AP2B1: variants seen among roughly 807,000 people sequenced by gnomAD.
AP2B1 encodes the protein AP-2 complex subunit beta.
In AP2B1, 23 loss-of-function variants were observed where a neutral mutation model predicts 102.0. The observed-to-expected ratio is 0.23, with a 90% CI of 0.16 to 0.32. The LOEUF (loss-of-function observed/expected upper bound fraction) is 0.32. Ranked by LOEUF, AP2B1 falls within the 10% of genes least tolerant of loss-of-function variation. AP2B1 has a pLI of 1.00. For synonymous variants in AP2B1, 381 were observed against 421.2 expected, an observed-to-expected ratio of 0.90 and a Z score of 1.17; for missense variants, 541 against 1,157.4, an observed-to-expected ratio of 0.47 and a Z score of 7.73.
intron 10 of AP2B1, among the ~76,000 whole-genome samples, chr17:35,637,475 C>T (rs911030689): frequency 6.6e-6 from 1 of 152,186 alleles, no homozygotes; most frequent in South Asian, 2.1e-4. Context: ...CCACGATGCC[C>T]GGCCCACTTC....
At chr17:35,656,884 C>CAAAA (rs11400227) in intron 13 of AP2B1, among the ~76,000 whole-genome samples, 1 of 137,898 alleles carries the variant, frequency 7.3e-6, no homozygotes, top group Admixed American at 7.2e-5. Context: ...GACTCCGTCT[C>CAAAA]AAAAAAAAAA....
chr17:35,641,610 A>G (rs936053197), intron 11 of AP2B1, among the ~76,000 whole-genome samples: 20 of 152,190 alleles, frequency 1.3e-4, no homozygotes, highest in Non-Finnish European at 2.5e-4. Flanking sequence ...ACAGGTAACT[A>G]TCTGTCTTAG....
intron 13 of AP2B1, among the ~76,000 whole-genome samples, chr17:35,652,556 G>C (rs928881876): frequency 1.3e-5 from 2 of 152,116 alleles, no homozygotes; most frequent in African/African-American, 4.8e-5. Flanking sequence ...GTCTAATTCA[G>C]AAAAATCTCA....
intron 21 of AP2B1, among the ~76,000 whole-genome samples, chr17:35,721,973 G>A (rs2143015177): frequency 1.3e-5 from 2 of 152,286 alleles, no homozygotes; most frequent in African/African-American, 4.8e-5. Flanking sequence ...CAGCGCAGTG[G>A]CTCATGCCTG....
intron 20 of AP2B1, among the ~76,000 whole-genome samples, chr17:35,714,421 G>A (rs1388681160): frequency 6.6e-6 from 1 of 152,194 alleles, no homozygotes; most frequent in Non-Finnish European, 1.5e-5. Context: ...CACCCTTGTT[G>A]CTGTCAGAGG....
At chr17:35,596,757 A>G (rs1464485842) in intron 2 of AP2B1, 2 of 558,580 alleles carry the variant, frequency 3.6e-6, no homozygotes, top group African/African-American at 3.9e-5. Flanking sequence ...GCTGGTGGCG[A>G]GTACAGCGCC....
chr17:35,598,007 T>G (rs923652351), intron 2 of AP2B1, among the ~76,000 whole-genome samples: 1 of 152,230 alleles, frequency 6.6e-6, no homozygotes. Context: ...GGATTGCACC[T>G]TCCTCTCTGG....
intron 5 of AP2B1, among the ~76,000 whole-genome samples, chr17:35,614,563 T>G (rs1046213540): frequency 4.7e-5 from 7 of 148,712 alleles, no homozygotes; most frequent in African/African-American, 1.7e-4. Context: ...ATCTTCATCT[T>G]CCAGACTGTC....
intron 9 of AP2B1, among the ~76,000 whole-genome samples, chr17:35,635,766 G>A (rs2074590816): frequency 1.3e-5 from 2 of 152,006 alleles, no homozygotes; most frequent in African/African-American, 4.8e-5. Context: ...GCGCGATCTC[G>A]GCTCATTGCA....
At chr17:35,684,177 A>T (rs2075882764) in intron 18 of AP2B1, among the ~76,000 whole-genome samples, 1 of 152,224 alleles carries the variant, frequency 6.6e-6, no homozygotes, top group Non-Finnish European at 1.5e-5. Context: ...AAGTGAGCTC[A>T]CAATTTAACA....
intron 20 of AP2B1, among the ~76,000 whole-genome samples, chr17:35,711,810 T>C (rs969589875): frequency 5.9e-5 from 9 of 152,218 alleles, no homozygotes; most frequent in African/African-American, 1.9e-4. Flanking sequence ...CTATGTAATA[T>C]TCATCTTCTG....
At chr17:35,721,557 GAC>G (rs1485980889) in intron 21 of AP2B1, among the ~76,000 whole-genome samples, 2 of 152,164 alleles carry the variant, frequency 1.3e-5, no homozygotes, top group African/African-American at 2.4e-5. Context: ...TAAGAGTCCA[GAC>G]ACAGGGAAAG....
At chr17:35,639,931 T>C (rs1017250640) in intron 11 of AP2B1, among the ~76,000 whole-genome samples, 171 bp downstream of exon 11, 2 of 152,232 alleles carry the variant, frequency 1.3e-5, no homozygotes, top group African/African-American at 2.4e-5. Flanking sequence ...TTGTTTTTGT[T>C]TTCGAGACAG....
intron 21 of AP2B1, among the ~76,000 whole-genome samples, chr17:35,723,060 CTAAG>C (rs1410317255): frequency 2.0e-5 from 3 of 152,160 alleles, no homozygotes; most frequent in African/African-American, 4.8e-5. Flanking sequence ...TTGGGTTATA[CTAAG>C]TAAGTGTCTT....
chr17:35,659,899 A>T, intron 14 of AP2B1: 1 of 985,394 alleles, frequency 1.0e-6, no homozygotes, highest in South Asian at 4.7e-5. Context: ...ATATTCACTC[A>T]GAGAATCAAG....
At chr17:35,700,738 C>T (rs929752554) in intron 18 of AP2B1, among the ~76,000 whole-genome samples, 1 of 152,198 alleles carries the variant, frequency 6.6e-6, no homozygotes, top group African/African-American at 2.4e-5. Flanking sequence ...GCTCCTGCAG[C>T]AGGCTTTCTA....
chr17:35,627,245 CTTTTTT>C (rs569701571), intron 7 of AP2B1, 134 bp from the exon 8 acceptor site: 382 of 177,926 alleles, frequency 2.1e-3, no homozygotes, highest in Middle Eastern at 2.9e-3. Context: ...GAAGTTTATG[CTTTTTT>C]TTTTTTTTTT....
chr17:35,600,195 C>T (rs1269449508), intron 3 of AP2B1, among the ~76,000 whole-genome samples: 6 of 152,110 alleles, frequency 3.9e-5, no homozygotes, highest in Non-Finnish European at 5.9e-5. Context: ...GGTTCTCCTG[C>T]CTCAGCCTCC....
chr17:35,657,567 C>G (rs2075261456), intron 13 of AP2B1, 32 bp from the exon 14 acceptor site: 3 of 1,579,298 alleles, frequency 1.9e-6, no homozygotes, highest in East Asian at 4.5e-5. Context: ...TGACTTTTCT[C>G]TTTTCTCCAT....
Sources: allele counts gnomAD v4.1 joint callset (sites outside exome capture counted in the v4.1 genomes callset), GRCh38; gene constraint gnomAD v4.1.1; transcripts MANE v1.5; gene names NCBI Gene and HGNC (gene_info 2026-07-23, HGNC 2026-07-21).